Variants in TBC1D5 observed in about 807,000 individuals in gnomAD.
The protein encoded by TBC1D5 is TBC1 domain family, member 5.
Under a neutral mutation model 100.3 loss-of-function variants are expected in TBC1D5, and 75 were observed. That is an observed-to-expected ratio of 0.75 (90% CI 0.62 to 0.91). The LOEUF (loss-of-function observed/expected upper bound fraction) is 0.91, where lower values mean the gene tolerates loss of function less well. TBC1D5 is among the 40% of genes least tolerant of loss of function. The pLI is 0.00. For synonymous variants in TBC1D5, 323 were observed against 325.6 expected, an observed-to-expected ratio of 0.99 and a Z score of 0.09; for missense variants, 910 against 942.4, an observed-to-expected ratio of 0.97 and a Z score of 0.45.
intron 2 of TBC1D5, among the ~76,000 whole-genome samples, chr3:17,610,989 G>A (rs1369093098): frequency 2.6e-5 from 4 of 152,056 alleles, no homozygotes; most frequent in African/African-American, 4.8e-5. Context: ...CAGCCTGGGC[G>A]ACAAGAGCAA....
rs191091462 is a variant in TBC1D5, at chr3:17,427,212, C to T, written c.167+1238G>A. On this transcript the variant is annotated intron_variant, in intron 4 of 21. Transcript: ENST00000253692. Reference sequence around the variant, plus strand: ...TATGAGCTTTACTGCTGTGATAACACCCTTCTAGAACACCATGGAACATAA... The same window carrying T: ...TATGAGCTTTACTGCTGTGATAACATCCTTCTAGAACACCATGGAACATAA... Among the ~76,000 whole-genome samples the T allele has an allele frequency of 2.5e-3, 374 of 151,992 alleles. 2 individuals carry two copies. The highest frequency in any genetic ancestry group is 8.6e-3 in the African/African-American group (355 of 41,498).
Position 17,579,874 on chromosome 3 carries a change from A to G in TBC1D5, c.-36+43975T>C, listed in dbSNP as rs115170384. Among the ~76,000 whole-genome samples, 1,071 of 152,250 alleles carry G rather than the reference A, an allele frequency of 7.0e-3. 9 individuals carry two copies. Among genetic ancestry groups the G allele is most frequent in the African/African-American group, 0.024 (1,007 of 41,566 alleles). On this transcript the variant is annotated intron_variant, in intron 2 of 21. Coordinates refer to ENST00000253692, the Ensembl canonical transcript of TBC1D5. ...GGGTAAGAAGGGCAACACTGTTGAG[A>G]GAGACAGCAGAGATCACATTATACC...
chr3:17,386,005 G>T (rs1213355328), intron 8 of TBC1D5, among the ~76,000 whole-genome samples: 1 of 152,074 alleles, frequency 6.6e-6, no homozygotes, highest in Non-Finnish European at 1.5e-5. Context: ...ACAAAAGAAA[G>T]TTGCTAAAGC....
At chr3:17,356,830 C>T (rs575505868) in intron 13 of TBC1D5, among the ~76,000 whole-genome samples, 1 of 152,256 alleles carries the variant, frequency 6.6e-6, no homozygotes, top group African/African-American at 2.4e-5. Context: ...GTGAGCTAGT[C>T]TCCCATTCTC....
chr3:17,263,533 A>T (rs1044204734), intron 15 of TBC1D5, among the ~76,000 whole-genome samples: 1 of 152,184 alleles, frequency 6.6e-6, no homozygotes, highest in Non-Finnish European at 1.5e-5. Context: ...TCAGTTCATT[A>T]ACTGCCCAAG....
At chr3:17,686,772 T>C (rs1330486060) in intron 1 of TBC1D5, among the ~76,000 whole-genome samples, 2 of 152,146 alleles carry the variant, frequency 1.3e-5, no homozygotes, top group Non-Finnish European at 2.9e-5. Flanking sequence ...AAGGGACATT[T>C]GGCAATGCGT....
At chr3:17,651,554 C>CA (rs2065567848) in intron 1 of TBC1D5, among the ~76,000 whole-genome samples, 1 of 152,128 alleles carries the variant, frequency 6.6e-6, no homozygotes, top group Non-Finnish European at 1.5e-5. Context: ...ACTGAAAATA[C>CA]AAAAAACTTC....
chr3:17,655,001 G>A (rs1287370136), intron 1 of TBC1D5, among the ~76,000 whole-genome samples: 1 of 151,360 alleles, frequency 6.6e-6, no homozygotes, highest in African/African-American at 2.4e-5. Flanking sequence ...GGGATCAGTG[G>A]TGATATCCCC....
At chr3:17,445,916 G>C (rs921347850) in intron 3 of TBC1D5, among the ~76,000 whole-genome samples, 1 of 152,194 alleles carries the variant, frequency 6.6e-6, no homozygotes, top group Non-Finnish European at 1.5e-5. Flanking sequence ...CCATGGACTA[G>C]ACTGAGTAGC....
chr3:17,394,859 CTTTAA>C (rs1233420609), intron 8 of TBC1D5, among the ~76,000 whole-genome samples: 1 of 151,524 alleles, frequency 6.6e-6, no homozygotes, highest in Non-Finnish European at 1.5e-5. Context: ...GTTCTGCTTT[CTTTAA>C]TTTATGTTTT....
intron 1 of TBC1D5, among the ~76,000 whole-genome samples, chr3:17,643,470 T>A (rs1161275122): frequency 6.6e-6 from 1 of 152,142 alleles, no homozygotes; most frequent in African/African-American, 2.4e-5. Flanking sequence ...ATGTTCACCC[T>A]TACTTTTGCT....
intron 1 of TBC1D5, among the ~76,000 whole-genome samples, chr3:17,704,788 C>A (rs2073787613): frequency 1.4e-5 from 1 of 69,116 alleles, no homozygotes; most frequent in Non-Finnish European, 2.9e-5. Context: ...CAGAGGCGCC[C>A]CTCACCTCCC....
At chr3:17,541,331 G>C (rs2096354734) in intron 2 of TBC1D5, among the ~76,000 whole-genome samples, 1 of 151,858 alleles carries the variant, frequency 6.6e-6, no homozygotes, top group Non-Finnish European at 1.5e-5. Context: ...ACTTATTTAT[G>C]TCTTTAATTT....
At chr3:17,536,420 A>T (rs1339485032) in intron 2 of TBC1D5, among the ~76,000 whole-genome samples, 1 of 152,206 alleles carries the variant, frequency 6.6e-6, no homozygotes, top group African/African-American at 2.4e-5. Context: ...TATCCATTTA[A>T]GTGTACAATT....
At chr3:17,663,500 GTACAT>G (rs1010863617) in intron 1 of TBC1D5, among the ~76,000 whole-genome samples, 10 of 152,042 alleles carry the variant, frequency 6.6e-5, no homozygotes, top group African/African-American at 2.4e-4. Flanking sequence ...TTAAAAACGG[GTACAT>G]TACAACAAGA....
intron 14 of TBC1D5, among the ~76,000 whole-genome samples, chr3:17,303,189 G>A (rs2083034938): frequency 6.6e-6 from 1 of 152,188 alleles, no homozygotes; most frequent in African/African-American, 2.4e-5. Flanking sequence ...CAGAGTCACT[G>A]CTGCCTCTGC....
At chr3:17,667,434 A>G (rs4373093) in intron 1 of TBC1D5, among the ~76,000 whole-genome samples, 152,129 of 152,254 alleles carry the variant, frequency 1, 76,003 homozygotes, top group East Asian at 1. Flanking sequence ...GGTAGGATTG[A>G]AGAATCCACT....
At chr3:17,502,203 A>G (rs1419963941) in intron 3 of TBC1D5, among the ~76,000 whole-genome samples, 3 of 149,514 alleles carry the variant, frequency 2.0e-5, no homozygotes, top group African/African-American at 2.5e-5. Flanking sequence ...TCTATTCCTC[A>G]TGTCAGTTTA....
chr3:17,669,671 AAAAATGGT>A (rs1337973725), intron 1 of TBC1D5, among the ~76,000 whole-genome samples: 1 of 152,216 alleles, frequency 6.6e-6, no homozygotes, highest in East Asian at 1.9e-4. Flanking sequence ...TAAAAATGCT[AAAAATGGT>A]ACATGGCACA....
Sources: gnomAD v4.1 joint callset for allele counts (sites outside exome capture counted in the v4.1 genomes callset) on GRCh38, gnomAD v4.1.1 for gene constraint, MANE v1.5 for transcripts, NCBI Gene and HGNC (gene_info 2026-07-23, HGNC 2026-07-21) for gene names.